Variants in MRPL33 observed in about 807,000 individuals in gnomAD.
MRPL33 encodes mitochondrial ribosomal protein L33.
A neutral mutation model predicts 10.1 loss-of-function variants in MRPL33; 5 were observed. The observed-to-expected ratio is 0.49, with a 90% confidence interval of 0.26 to 1.04. The LOEUF is 1.04. Ranked by LOEUF, MRPL33 falls within the 50% of genes least tolerant of loss-of-function variation. MRPL33 has a pLI of 0.14. For synonymous variants in MRPL33, 24 were observed against 27.7 expected (o/e 0.87, Z 0.42); for missense variants, 79 against 78.1 (o/e 1.01, Z -0.04).
At chr2:27,775,729 C>T (rs1156410232) in intron 3 of MRPL33, among the ~76,000 whole-genome samples, 1 of 152,152 alleles carries the variant, frequency 6.6e-6, no homozygotes, top group African/African-American at 2.4e-5. Flanking sequence ...CAGTTGTCAG[C>T]TTAAAGTTTC....
At chr2:27,776,837 G>A (rs1274504857) in intron 3 of MRPL33, among the ~76,000 whole-genome samples, 1 of 152,168 alleles carries the variant, frequency 6.6e-6, no homozygotes, top group Non-Finnish European at 1.5e-5. Flanking sequence ...TTACAATTGT[G>A]GGTAGCAGTG....
intron 1 of MRPL33, chr2:27,772,402 A>G (rs1259986850): frequency 2.6e-6 from 1 of 384,646 alleles, no homozygotes; most frequent in African/African-American, 2.1e-5. Context: ...CTTTAGAAAG[A>G]TTTAAAAGGT....
In MRPL33 at chr2:27,779,602, T is replaced by C; in HGVS notation, c.*120T>C. On this transcript the variant is annotated 3_prime_UTR_variant, in exon 4 of 4. Coordinates refer to ENST00000296102, the MANE Select transcript of MRPL33 (RefSeq NM_004891.4). ...AATGGCATGGAATCACTGCCTCCTG[T>C]GATTTGAAGGCCATTGTGAAGGAAA... The C allele has an allele frequency of 2.5e-6, 4 of 1,569,694 alleles. No individual in the cohort carries two copies. The highest frequency in any genetic ancestry group is 3.4e-6 in the Non-Finnish European group (4 of 1,162,700).
chr2:27,777,929 G>A (rs1487446959), intron 3 of MRPL33, among the ~76,000 whole-genome samples: 1 of 152,036 alleles, frequency 6.6e-6, no homozygotes, highest in Non-Finnish European at 1.5e-5. Flanking sequence ...TCGTAATATA[G>A]ATGAGAAACT....
chr2:27,777,840 G>A (rs1324607892), intron 3 of MRPL33, among the ~76,000 whole-genome samples: 1 of 152,098 alleles, frequency 6.6e-6, no homozygotes, highest in Non-Finnish European at 1.5e-5. Flanking sequence ...TTTTCAGTGA[G>A]ACAACCCCCC....
intron 3 of MRPL33, among the ~76,000 whole-genome samples, chr2:27,777,206 T>C (rs1336082107): frequency 6.6e-6 from 1 of 151,696 alleles, no homozygotes; most frequent in Non-Finnish European, 1.5e-5. Context: ...AGGTTTTTGG[T>C]TTTTTTTGTA....
intron 3 of MRPL33, among the ~76,000 whole-genome samples, chr2:27,775,464 G>A (rs1677131178): frequency 6.8e-6 from 1 of 148,074 alleles, no homozygotes; most frequent in Admixed American, 7.0e-5. Context: ...TGATTCTCCT[G>A]CTTCAGCCTC....
intron 2 of MRPL33, chr2:27,772,917 G>C: frequency 2.0e-6 from 1 of 497,296 alleles, no homozygotes; most frequent in Non-Finnish European, 3.5e-6. Context: ...ATACTTGAAG[G>C]AACCTTTGCT....
At chr2:27,777,332 C>T (rs1471129128) in intron 3 of MRPL33, among the ~76,000 whole-genome samples, 1 of 151,976 alleles carries the variant, frequency 6.6e-6, no homozygotes, top group Admixed American at 6.6e-5. Flanking sequence ...TGGCCAAGTC[C>T]CTGTTCTGTC....
intron 2 of MRPL33, 154 bp downstream of exon 2, chr2:27,772,846 ATGAACTC>A: frequency 1.6e-6 from 1 of 622,230 alleles, no homozygotes; most frequent in Middle Eastern, 2.8e-4. Flanking sequence ...TTTTTTCTTT[ATGAACTC>A]TTTCAAAAAT....
chr2:27,774,489 G>A lies in MRPL33; in HGVS notation c.107G>A (p.Arg36Gln), dbSNP rs748079284. The A allele has an allele frequency of 3.1e-6, 5 of 1,613,928 alleles. No individual in the cohort carries two copies. The South Asian group carries it at 4.4e-5, about 14-fold the overall frequency. ...TGFCFNTKRN[R>Q]LREKLTLLHY... is the part of the protein sequence containing the mutation. Reference sequence around the variant, plus strand: ...TTCTGCTTCAACACCAAGAGAAACCGACTGCGGGAAAAACTGACTCTTTTG... The same window carrying A: ...TTCTGCTTCAACACCAAGAGAAACCAACTGCGGGAAAAACTGACTCTTTTG... The change falls in exon 3 of 4, where the codon CGA becomes CAA. Residue 36 changes from arginine to glutamine, a missense_variant. By Grantham distance (43) the Arg-to-Gln change is conservative. Coordinates refer to ENST00000296102, the MANE Select transcript of MRPL33 (RefSeq NM_004891.4).
At position 27,779,666 on chromosome 2, in the gene MRPL33, TATC is replaced by T; in HGVS notation, c.*187_*189del. On this transcript the variant is annotated 3_prime_UTR_variant, in exon 4 of 4. Transcript: ENST00000296102. ...AGAAAGTTCTTCATATTAGGACAGA[TATC>T]ATTGCATCACATTTATTTATCTTTC... 9.1e-7 allele frequency: 1 copy of T among 1,099,280 alleles called. No homozygotes were observed. Among genetic ancestry groups the T allele is most frequent in the Non-Finnish European group, 1.3e-6 (1 of 789,056 alleles). The allele number at this position is 1,099,280 out of a possible 1,614,324, so 68.1% of individuals were successfully genotyped here. A position where few individuals can be genotyped will look rare whatever the true frequency, so the allele number is the denominator to read the frequency against.
chr2:27,772,040 C>T (rs551590181), intron 1 of MRPL33: 45 of 500,670 alleles, frequency 9.0e-5, no homozygotes, highest in Non-Finnish European at 8.5e-5. Context: ...TCCTCACGGA[C>T]CGTTGAGTCT....
intron 3 of MRPL33, among the ~76,000 whole-genome samples, chr2:27,777,234 C>T (rs1573024969): frequency 6.6e-6 from 1 of 151,994 alleles, no homozygotes; most frequent in African/African-American, 2.4e-5. Flanking sequence ...TTCTGTGTTG[C>T]CCAGGCTGGT....
chr2:27,773,243 A>G (rs1009091628), intron 2 of MRPL33, among the ~76,000 whole-genome samples: 1 of 152,238 alleles, frequency 6.6e-6, no homozygotes, highest in Non-Finnish European at 1.5e-5. Context: ...GTAGACAATA[A>G]CAGAAGATTT....
At chr2:27,776,957 A>G (rs903734671) in intron 3 of MRPL33, among the ~76,000 whole-genome samples, 3 of 152,140 alleles carry the variant, frequency 2.0e-5, no homozygotes, top group African/African-American at 7.2e-5. Context: ...ACTTTGAGAA[A>G]TTTTCCCAGG....
intron 3 of MRPL33, among the ~76,000 whole-genome samples, chr2:27,777,850 C>T (rs917791860): frequency 1.3e-5 from 2 of 152,128 alleles, no homozygotes; most frequent in South Asian, 2.1e-4. Flanking sequence ...GACAACCCCC[C>T]TACCCCCCGC....
intron 2 of MRPL33, among the ~76,000 whole-genome samples, chr2:27,773,613 T>TAC (rs1456001448): frequency 3.3e-5 from 5 of 152,230 alleles, no homozygotes; most frequent in African/African-American, 1.2e-4. Context: ...CATAGACTTG[T>TAC]AGAGCTTTGT....
chr2:27,772,559 A>G, intron 1 of MRPL33, 115 bp from the exon 2 acceptor site: 1 of 791,582 alleles, frequency 1.3e-6, no homozygotes, highest in Admixed American at 2.6e-5. Flanking sequence ...CTCATGGCAT[A>G]TTTCATAAGT....
Sources: allele counts gnomAD v4.1 joint callset (sites outside exome capture counted in the v4.1 genomes callset), GRCh38; gene constraint gnomAD v4.1.1; transcripts MANE v1.5; gene names NCBI Gene and HGNC (gene_info 2026-07-23, HGNC 2026-07-21).